Variants in MASTL observed in about 807,000 individuals in gnomAD.
MASTL encodes the protein microtubule associated serine/threonine kinase like.
A neutral mutation model predicts 82.5 loss-of-function variants in MASTL; 54 were observed. The observed-to-expected ratio is 0.65, with a 90% CI of 0.53 to 0.82. The LOEUF is 0.82. MASTL is among the 40% of genes least tolerant of loss of function. The probability of loss-of-function intolerance (pLI) is 0.00; values close to 1 mark genes in which losing one functional copy is unlikely to be tolerated. For missense variants in MASTL, 950 were observed against 1,047.8 expected, an observed-to-expected ratio of 0.91 and a Z score of 1.29; for synonymous variants, 323 against 368.9, an observed-to-expected ratio of 0.88 and a Z score of 1.43.
At position 27,170,440 on chromosome 10, in the gene MASTL, C is replaced by T. The variant is rs753966203; in HGVS notation, c.1481C>T (p.Ser494Leu). 4 of 1,613,976 alleles carry T rather than the reference C, an allele frequency of 2.5e-6. No individual in the cohort carries two copies. In the Admixed American group the frequency reaches 6.7e-5, roughly 27 times the overall value. ...LTVEVQDLKL[S>L]VHKSQQNDCA... Reference sequence around the variant, plus strand: ...GTTGAAGTGCAGGACCTTAAGCTATCAGTGCACAAAAGTCAACAAAATGAC... The same window carrying T: ...GTTGAAGTGCAGGACCTTAAGCTATTAGTGCACAAAAGTCAACAAAATGAC... The change falls in exon 8 of 12, where the codon TCA (serine) becomes TTA (leucine). Residue 494 changes from serine (S) to leucine (L), a missense_variant. By Grantham distance (145) the Ser-to-Leu change is moderately radical. Coordinates refer to ENST00000375940, the MANE Select transcript of MASTL (RefSeq NM_001172303.3).
In MASTL at chr10:27,170,423, G is replaced by T; in HGVS notation, c.1464G>T (p.Val488=). Residue 488 remains valine, a synonymous_variant, in exon 8 of 12, where the codon GTG becomes GTT. Transcript: ENST00000375940. The stretch of plus-strand genomic sequence containing the variant: ...AAAATACAGGCTTAACAGTTGAAGT[G>T]CAGGACCTTAAGCTATCAGTGCACA... The part of the protein sequence containing the change: ...TNQNTGLTVE[V]QDLKLSVHKS... The T allele has an allele frequency of 1.9e-6, 3 of 1,614,070 alleles. No individual in the cohort carries two copies. The highest frequency in any genetic ancestry group is 2.5e-6 in the Non-Finnish European group (3 of 1,179,970).
Position 27,164,595 on chromosome 10 carries a change from G to A in MASTL, c.554-469G>A, listed in dbSNP as rs148709276. ...CCTAGGCTTAAACATATTAGCTAAC[G>A]TGAGGGGCCTAAAATTAATATTGAT... On this transcript the variant is annotated intron_variant, in intron 4 of 11. Transcript: ENST00000375940. Among the ~76,000 whole-genome samples, 233 of 152,152 alleles carry A rather than the reference G, an allele frequency of 1.5e-3. 2 individuals are homozygous for A. The highest frequency in any genetic ancestry group is 5.4e-3 in the African/African-American group (224 of 41,516).
At chr10:27,158,926 G>T (rs1001989634) in intron 2 of MASTL, among the ~76,000 whole-genome samples, 1 of 152,210 alleles carries the variant, frequency 6.6e-6, no homozygotes, top group Non-Finnish European at 1.5e-5. Context: ...AGGCCAAGGG[G>T]CCATGGCTCA....
chr10:27,176,922 T>G (rs1388561216), intron 9 of MASTL, among the ~76,000 whole-genome samples: 3 of 151,496 alleles, frequency 2.0e-5, no homozygotes, highest in African/African-American at 7.3e-5. Flanking sequence ...CTTGGCTCAC[T>G]GCAACTCCCG....
Position 27,155,594 on chromosome 10 carries a change from C to T in MASTL, c.168C>T (p.Gly56=). The T allele has an allele frequency of 2.5e-6, 4 of 1,614,180 alleles. No individual in the cohort carries two copies. The highest frequency in any genetic ancestry group is 3.4e-6 in the Non-Finnish European group (4 of 1,180,022). ...AAGTGTATCTGGGGCAGAAAGGCGGCAAATTGTATGCAGTAAAGGTAGGAA... is the reference window on the plus strand; with the variant it reads ...AAGTGTATCTGGGGCAGAAAGGCGGTAAATTGTATGCAGTAAAGGTAGGAA... The part of the protein sequence containing the change: ...FGKVYLGQKG[G]KLYAVKVVKK... Residue 56 remains glycine, a synonymous_variant, in exon 1 of 12, where the codon GGC becomes GGT. Transcript: ENST00000375940.
intron 4 of MASTL, among the ~76,000 whole-genome samples, chr10:27,162,213 T>C (rs1023901703): frequency 6.6e-6 from 1 of 152,242 alleles, no homozygotes; most frequent in Non-Finnish European, 1.5e-5. Context: ...TAGTGGCTTA[T>C]GCTTTGGAAT....
intron 7 of MASTL, 37 bp from the exon 8 acceptor site, chr10:27,169,906 CT>C: frequency 6.2e-7 from 1 of 1,603,580 alleles, no homozygotes; most frequent in South Asian, 1.1e-5. Context: ...TGAATCTCAG[CT>C]TTATATAACT....
Position 27,186,567 on chromosome 10 carries a change from T to C in MASTL, c.*31T>C. On this transcript the variant is annotated 3_prime_UTR_variant, in exon 12 of 12. Transcript: ENST00000375940. ...AAATTTTCCTTTTAGTCTAGCCTTG[T>C]GTTATAGAATGAACTTGCATAATTA... The C allele has an allele frequency of 6.4e-7, 1 of 1,562,644 alleles. No individual in the cohort carries two copies. Among genetic ancestry groups the C allele is most frequent in the East Asian group, 2.2e-5 (1 of 44,672 alleles).
intron 9 of MASTL, among the ~76,000 whole-genome samples, chr10:27,178,558 T>A (rs1278993833): frequency 6.6e-6 from 1 of 152,162 alleles, no homozygotes; most frequent in Non-Finnish European, 1.5e-5. Flanking sequence ...AACAAATCTG[T>A]TCTTTTTCTG....
chr10:27,172,557 G>A lies in MASTL; in HGVS notation c.2125-561G>A, dbSNP rs892241558. Reference sequence around the variant, plus strand: ...TAATCCCAGCTACTTGGGAGGCTGAGGCAGGAAAATTCCTTGAACCTGGGA... The same window carrying A: ...TAATCCCAGCTACTTGGGAGGCTGAAGCAGGAAAATTCCTTGAACCTGGGA... On this transcript the variant is annotated intron_variant, in intron 8 of 11. Transcript: ENST00000375940. 2.0e-5 allele frequency among the ~76,000 whole-genome samples: 3 copies of A among 152,094 alleles called. No individual in the cohort carries two copies. The South Asian group carries it at 6.2e-4, about 32-fold the overall frequency.
intron 6 of MASTL, 80 bp from the exon 7 acceptor site, chr10:27,167,022 T>C: frequency 9.0e-7 from 1 of 1,110,274 alleles, no homozygotes; most frequent in Non-Finnish European, 1.4e-6. Context: ...ATACTTTGCT[T>C]AATTATATGT....
In MASTL at chr10:27,170,404, C is replaced by A. The variant is rs767299408; in HGVS notation, c.1445C>A (p.Thr482Lys). 2 of 1,613,994 alleles carry A rather than the reference C, an allele frequency of 1.2e-6. No homozygotes were observed. Among genetic ancestry groups the A allele is most frequent in the South Asian group, 1.1e-5 (1 of 91,070 alleles). Residue 482 changes from threonine to lysine, a missense_variant, in exon 8 of 12, where the codon ACA becomes AAA. Transcript: ENST00000375940. The stretch of plus-strand genomic sequence containing the variant: ...ACAAATTGTTATACAAATCAAAATA[C>A]AGGCTTAACAGTTGAAGTGCAGGAC... The part of the protein sequence containing the change: ...EMTNCYTNQN[T>K]GLTVEVQDLK...
intron 1 of MASTL, among the ~76,000 whole-genome samples, chr10:27,156,422 A>T (rs1028581635): frequency 6.6e-6 from 1 of 152,252 alleles, no homozygotes; most frequent in Non-Finnish European, 1.5e-5. Context: ...CTACCACAGA[A>T]GAGTGATTAA....
chr10:27,177,986 C>G (rs1300543474), intron 9 of MASTL, among the ~76,000 whole-genome samples: 1 of 152,184 alleles, frequency 6.6e-6, no homozygotes, highest in African/African-American at 2.4e-5. Context: ...AGAGGTGGTT[C>G]TTCTCTGTGA....
At chr10:27,183,720 GT>G (rs771575612) in intron 11 of MASTL, among the ~76,000 whole-genome samples, 2 of 151,754 alleles carry the variant, frequency 1.3e-5, no homozygotes, top group Non-Finnish European at 2.9e-5. Context: ...TCTTTTTTTG[GT>G]TTTGGGATTT....
intron 9 of MASTL, among the ~76,000 whole-genome samples, chr10:27,174,994 C>T (rs2058059140): frequency 6.6e-6 from 1 of 151,712 alleles, no homozygotes; most frequent in South Asian, 2.1e-4. Flanking sequence ...ATCCTCCCCA[C>T]CCCACCTCTC....
chr10:27,179,626 A>T (rs977667883), intron 9 of MASTL, among the ~76,000 whole-genome samples: 3 of 152,178 alleles, frequency 2.0e-5, no homozygotes, highest in African/African-American at 7.2e-5. Context: ...TTTATTTAGA[A>T]ATCAGTTTTA....
At chr10:27,172,907 T>C (rs528948892) in intron 8 of MASTL, among the ~76,000 whole-genome samples, 2 of 152,296 alleles carry the variant, frequency 1.3e-5, no homozygotes, top group East Asian at 3.9e-4. Flanking sequence ...TAATCAGTGT[T>C]GTCTAAGCTT....
At chr10:27,174,353 TAAAAAAAAATAA>T (rs974913053) in intron 9 of MASTL, among the ~76,000 whole-genome samples, 3 of 150,920 alleles carry the variant, frequency 2.0e-5, no homozygotes, top group Non-Finnish European at 4.4e-5. Flanking sequence ...AGACTCTGTC[TAAAAAAAAATAA>T]AAATAAAAAT....
Sources: allele counts gnomAD v4.1 joint callset (sites outside exome capture counted in the v4.1 genomes callset), GRCh38; gene constraint gnomAD v4.1.1; transcripts MANE v1.5; gene names NCBI Gene and HGNC (gene_info 2026-07-23, HGNC 2026-07-21).